Variants in CDH13 observed in about 807,000 individuals in gnomAD.
CDH13 encodes cadherin 13.
CDH13 carries 24 observed loss-of-function variants against 63.8 expected under a neutral mutation model. The ratio of observed to expected loss-of-function variants is 0.38; its 90% CI spans 0.27 to 0.53. The LOEUF is 0.53. CDH13 is among the 20% of genes least tolerant of loss of function. CDH13 has a pLI of 0.85. For missense variants in CDH13, 1,049 were observed against 903.1 expected, an observed-to-expected ratio of 1.16 and a Z score of -2.07; for synonymous variants, 503 against 355.3, an observed-to-expected ratio of 1.42 and a Z score of -4.67.
chr16:83,672,369 C>A (rs1049310337), intron 9 of CDH13, among the ~76,000 whole-genome samples: 3 of 144,518 alleles, frequency 2.1e-5, no homozygotes, highest in Non-Finnish European at 4.5e-5. Flanking sequence ...CTCTCTCTAT[C>A]CTCACATGGT....
At chr16:82,913,718 T>A (rs2041905780) in intron 2 of CDH13, among the ~76,000 whole-genome samples, 1 of 151,796 alleles carries the variant, frequency 6.6e-6, no homozygotes, top group Non-Finnish European at 1.5e-5. Flanking sequence ...TGCGTGTGGG[T>A]ACCCCATGCG....
chr16:83,038,544 A>G (rs1360770342), intron 3 of CDH13, among the ~76,000 whole-genome samples: 1 of 152,198 alleles, frequency 6.6e-6, no homozygotes, highest in Non-Finnish European at 1.5e-5. Context: ...GATGAACTTG[A>G]CACACCAAGT....
chr16:83,013,944 C>CAG (rs1441869823), intron 2 of CDH13, among the ~76,000 whole-genome samples: 1 of 152,144 alleles, frequency 6.6e-6, no homozygotes, highest in Non-Finnish European at 1.5e-5. Flanking sequence ...CAGAAAGAAA[C>CAG]ATCAGCCTCA....
intron 1 of CDH13, among the ~76,000 whole-genome samples, chr16:82,738,234 A>G (rs1303860777): frequency 6.6e-6 from 1 of 152,242 alleles, no homozygotes; most frequent in Non-Finnish European, 1.5e-5. Context: ...AAAAAAAATC[A>G]GTCACTTCCA....
At chr16:83,291,985 T>C (rs1257119386) in intron 5 of CDH13, among the ~76,000 whole-genome samples, 1 of 152,186 alleles carries the variant, frequency 6.6e-6, no homozygotes, top group Non-Finnish European at 1.5e-5. Flanking sequence ...TCATGAGTTA[T>C]TGAATTTGTA....
chr16:83,097,305 C>T (rs1049749134), intron 3 of CDH13, among the ~76,000 whole-genome samples: 1 of 152,202 alleles, frequency 6.6e-6, no homozygotes, highest in Non-Finnish European at 1.5e-5. Flanking sequence ...TATAATGCTG[C>T]TCTTGCCTCA....
intron 5 of CDH13, among the ~76,000 whole-genome samples, chr16:83,276,317 C>T (rs974870683): frequency 7.9e-5 from 12 of 152,116 alleles, no homozygotes; most frequent in East Asian, 3.9e-4. Flanking sequence ...GATGGCCCCT[C>T]ATTGAATAAG....
chr16:83,038,195 G>A (rs914711846), intron 3 of CDH13, among the ~76,000 whole-genome samples: 1 of 152,208 alleles, frequency 6.6e-6, no homozygotes, highest in Non-Finnish European at 1.5e-5. Context: ...TATTTTAGCT[G>A]TGGTAACTGG....
intron 6 of CDH13, among the ~76,000 whole-genome samples, chr16:83,352,645 C>T (rs536476193): frequency 1.8e-4 from 27 of 152,302 alleles, no homozygotes; most frequent in African/African-American, 5.5e-4. Flanking sequence ...AATCCCAGCA[C>T]TTAGGGAGGG....
intron 8 of CDH13, among the ~76,000 whole-genome samples, chr16:83,660,623 C>G (rs1321886339): frequency 6.6e-6 from 1 of 152,158 alleles, no homozygotes; most frequent in Non-Finnish European, 1.5e-5. Flanking sequence ...AGAATTTGCC[C>G]CACTTCATTG....
At chr16:83,741,938 C>G (rs970611651) in intron 10 of CDH13, among the ~76,000 whole-genome samples, 4 of 152,202 alleles carry the variant, frequency 2.6e-5, no homozygotes, top group African/African-American at 9.6e-5. Context: ...TGAGGAGGAA[C>G]AGTTTCATCT....
chr16:83,382,800 C>T (rs1388164786), intron 6 of CDH13, among the ~76,000 whole-genome samples: 1 of 152,176 alleles, frequency 6.6e-6, no homozygotes, highest in Non-Finnish European at 1.5e-5. Context: ...TCCAGTTACA[C>T]CAATGGTTCT....
chr16:83,125,280 T>C, intron 3 of CDH13, 105 bp from the exon 4 acceptor site: 1 of 672,720 alleles, frequency 1.5e-6, no homozygotes, highest in South Asian at 1.8e-5. Flanking sequence ...GTGAACACTT[T>C]CCAAACAGCT....
chr16:82,675,088 G>C (rs1913742575), intron 1 of CDH13, among the ~76,000 whole-genome samples: 1 of 149,184 alleles, frequency 6.7e-6, no homozygotes. Context: ...GTTAGGGAAT[G>C]GATATCATTT....
chr16:83,050,994 C>T (rs771601973), intron 3 of CDH13, among the ~76,000 whole-genome samples: 2 of 152,184 alleles, frequency 1.3e-5, no homozygotes, highest in African/African-American at 4.8e-5. Flanking sequence ...TTACAGTGGT[C>T]ACAACTGGTT....
chr16:83,375,699 C>G (rs1257561709), intron 6 of CDH13, among the ~76,000 whole-genome samples: 1 of 152,116 alleles, frequency 6.6e-6, no homozygotes, highest in African/African-American at 2.4e-5. Flanking sequence ...CTAGAAGGCT[C>G]CCAGGCAGAA....
At chr16:83,715,647 T>G (rs1162087772) in intron 10 of CDH13, among the ~76,000 whole-genome samples, 1 of 151,990 alleles carries the variant, frequency 6.6e-6, no homozygotes, top group Non-Finnish European at 1.5e-5. Flanking sequence ...GAGGGCTGTG[T>G]GTCGCTGACA....
chr16:83,161,134 G>T (rs72800242), intron 4 of CDH13, among the ~76,000 whole-genome samples: 29,266 of 152,018 alleles, frequency 0.19, 2,948 homozygotes, highest in Non-Finnish European at 0.22. Context: ...GATATCATTT[G>T]TTCCACGTGA....
At chr16:83,544,445 C>T (rs112042447) in intron 7 of CDH13, among the ~76,000 whole-genome samples, 2,410 of 152,202 alleles carry the variant, frequency 0.016, 21 homozygotes, top group Middle Eastern at 0.024. Context: ...ATTTAATACA[C>T]ATAACCTGCT....
Sources: gnomAD v4.1 joint callset for allele counts (sites outside exome capture counted in the v4.1 genomes callset) on GRCh38, gnomAD v4.1.1 for gene constraint, MANE v1.5 for transcripts, NCBI Gene and HGNC (gene_info 2026-07-23, HGNC 2026-07-21) for gene names.